Variants in DNM3 observed in about 807,000 individuals in gnomAD.
DNM3 encodes dynamin-3.
In DNM3, 47 loss-of-function variants were observed where a neutral mutation model predicts 101.6. That is an observed-to-expected ratio of 0.46 (90% CI 0.37 to 0.59). The LOEUF (loss-of-function observed/expected upper bound fraction) is 0.59. Among genes scored for constraint, DNM3 ranks in the 20% least tolerant of loss-of-function variants. DNM3 has a pLI of 0.00. For synonymous variants in DNM3, 385 were observed against 387.9 expected, an observed-to-expected ratio of 0.99 and a Z score of 0.09; for missense variants, 849 against 1,085.7, an observed-to-expected ratio of 0.78 and a Z score of 3.06.
intron 2 of DNM3, among the ~76,000 whole-genome samples, chr1:171,930,176 T>C (rs574307377): frequency 6.6e-6 from 1 of 150,790 alleles, no homozygotes; most frequent in African/African-American, 2.4e-5. Flanking sequence ...CAGTTTGAAC[T>C]CTCCAAAGTC....
intron 18 of DNM3, among the ~76,000 whole-genome samples, chr1:172,384,727 ATCT>A (rs1363706121): frequency 1.3e-5 from 2 of 152,226 alleles, no homozygotes; most frequent in East Asian, 1.9e-4. Context: ...TCTTGGAAGA[ATCT>A]TCTTTTAAAT....
At chr1:171,906,568 G>T (rs1333754979) in intron 1 of DNM3, among the ~76,000 whole-genome samples, 1 of 152,112 alleles carries the variant, frequency 6.6e-6, no homozygotes, top group Non-Finnish European at 1.5e-5. Context: ...TGAAGAGTAT[G>T]AAATAATCTT....
chr1:172,054,912 T>C (rs550948355), intron 10 of DNM3, among the ~76,000 whole-genome samples: 1 of 152,104 alleles, frequency 6.6e-6, no homozygotes, highest in South Asian at 2.1e-4. Flanking sequence ...TGAGCCGAGA[T>C]TGCACTATTG....
chr1:172,411,541 A>G lies in DNM3; in HGVS notation c.*3700A>G. 1.2e-6 allele frequency: 1 copy of G among 803,664 alleles called. No homozygotes were observed. Among genetic ancestry groups the G allele is most frequent in the Non-Finnish European group, 1.5e-6 (1 of 663,960 alleles). The allele number at this position is 803,664 out of a possible 1,614,324, so 49.8% of individuals were successfully genotyped here. On this transcript the variant is annotated 3_prime_UTR_variant, in exon 21 of 21. Coordinates refer to ENST00000627582, the MANE Select transcript of DNM3 (RefSeq NM_015569.5). ...CATTTTTCCTCTATGGTAGAAGTAA[A>G]AAAAAAAAAAAAGGACATAGCAACA...
intron 2 of DNM3, among the ~76,000 whole-genome samples, chr1:171,972,890 C>CAAA (rs1334163360): frequency 6.6e-6 from 1 of 151,786 alleles, no homozygotes; most frequent in East Asian, 1.9e-4. Flanking sequence ...ACAACAACAA[C>CAAA]AAAAACCCCA....
At chr1:172,134,767 A>G (rs1572658186) in intron 14 of DNM3, among the ~76,000 whole-genome samples, 1 of 152,138 alleles carries the variant, frequency 6.6e-6, no homozygotes, top group Non-Finnish European at 1.5e-5. Context: ...AGTGTCTGGG[A>G]TAGAGGACAC....
intron 14 of DNM3, among the ~76,000 whole-genome samples, chr1:172,141,290 G>T (rs1362870160): frequency 6.6e-6 from 1 of 152,022 alleles, no homozygotes; most frequent in Non-Finnish European, 1.5e-5. Flanking sequence ...AAGTAAGAAG[G>T]GATTTGAAGT....
At chr1:172,078,003 A>G (rs1572407351) in intron 11 of DNM3, among the ~76,000 whole-genome samples, 1 of 152,128 alleles carries the variant, frequency 6.6e-6, no homozygotes, top group Non-Finnish European at 1.5e-5. Context: ...GTGCATATAT[A>G]TTTAGGATAG....
At chr1:172,197,862 C>T (rs59760198) in intron 14 of DNM3, among the ~76,000 whole-genome samples, 53,624 of 147,854 alleles carry the variant, frequency 0.36, 9,808 homozygotes, top group Middle Eastern at 0.51. Flanking sequence ...CCAATAGAGA[C>T]AGTTTGATTT....
intron 16 of DNM3, among the ~76,000 whole-genome samples, chr1:172,320,468 A>G (rs2065655772): frequency 2.6e-5 from 4 of 152,130 alleles, no homozygotes; most frequent in Admixed American, 2.0e-4. Context: ...GGATGAGTTC[A>G]TGTCGTTTGC....
chr1:171,893,140 A>G (rs138322763), intron 1 of DNM3, among the ~76,000 whole-genome samples: 1 of 152,238 alleles, frequency 6.6e-6, no homozygotes, highest in African/African-American at 2.4e-5. Context: ...AGGTTGTTTC[A>G]TACATTTGCA....
chr1:172,289,961 T>C (rs2148814414), intron 15 of DNM3: 1 of 924,280 alleles, frequency 1.1e-6, no homozygotes, highest in South Asian at 5.0e-5. Context: ...CAATTTATAG[T>C]CCTAATTTAT....
At chr1:172,135,698 G>A (rs2057183892) in intron 14 of DNM3, among the ~76,000 whole-genome samples, 1 of 151,860 alleles carries the variant, frequency 6.6e-6, no homozygotes, top group Non-Finnish European at 1.5e-5. Context: ...CATTTCAAAA[G>A]TTTTTTGAAA....
At chr1:172,285,138 C>G (rs1021722379) in intron 15 of DNM3, among the ~76,000 whole-genome samples, 14 of 152,152 alleles carry the variant, frequency 9.2e-5, no homozygotes, top group African/African-American at 3.1e-4. Context: ...AAATATCACT[C>G]ATGCAAAACA....
At chr1:172,057,218 C>T (rs1235124449) in intron 10 of DNM3, among the ~76,000 whole-genome samples, 5 of 152,164 alleles carry the variant, frequency 3.3e-5, no homozygotes, top group Non-Finnish European at 7.4e-5. Flanking sequence ...CTACATCTGA[C>T]TGGTGTACCT....
chr1:172,112,063 G>A (rs1158783491), intron 13 of DNM3, among the ~76,000 whole-genome samples: 3 of 152,110 alleles, frequency 2.0e-5, no homozygotes, highest in Admixed American at 6.6e-5. Flanking sequence ...TATTGCATGG[G>A]TGTTTTATAT....
At chr1:172,259,963 T>C (rs928593832) in intron 15 of DNM3, among the ~76,000 whole-genome samples, 4 of 152,156 alleles carry the variant, frequency 2.6e-5, no homozygotes, top group African/African-American at 9.6e-5. Flanking sequence ...GTTATTATTC[T>C]TTTGCTTTTG....
intron 12 of DNM3, 71 bp downstream of exon 12, chr1:172,081,973 T>G: frequency 1.4e-6 from 2 of 1,467,762 alleles, no homozygotes; most frequent in East Asian, 2.3e-5. Flanking sequence ...TGTGAATTTT[T>G]ACTACAGTTT....
chr1:172,133,193 AAAT>A, intron 14 of DNM3: 2 of 1,265,084 alleles, frequency 1.6e-6, no homozygotes, highest in Non-Finnish European at 2.0e-6. Context: ...TGAGTCCTGA[AAAT>A]AAGCCCATTG....
Sources: gnomAD v4.1 joint callset for allele counts (sites outside exome capture counted in the v4.1 genomes callset) on GRCh38, gnomAD v4.1.1 for gene constraint, MANE v1.5 for transcripts, NCBI Gene and HGNC (gene_info 2026-07-23, HGNC 2026-07-21) for gene names.